Variants in EPHB1 observed in about 807,000 individuals in gnomAD.
EPHB1 encodes EPH receptor B1, also known as ephrin type-B receptor 1.
Under a neutral mutation model 94.4 loss-of-function variants are expected in EPHB1, and 30 were observed. The ratio of observed to expected loss-of-function variants is 0.32; its 90% confidence interval spans 0.24 to 0.43. The LOEUF (loss-of-function observed/expected upper bound fraction) is 0.43. EPHB1 is among the 20% of genes least tolerant of loss of function. EPHB1 has a pLI of 1.00. For synonymous variants in EPHB1, 522 were observed against 489.1 expected, an observed-to-expected ratio of 1.07 and a Z score of -0.89; for missense variants, 1,055 against 1,308.3, an observed-to-expected ratio of 0.81 and a Z score of 2.99.
intron 6 of EPHB1, among the ~76,000 whole-genome samples, chr3:135,159,013 GTTTA>G (rs1941436916): frequency 6.6e-6 from 1 of 152,264 alleles, no homozygotes; most frequent in African/African-American, 2.4e-5. Flanking sequence ...GAAGTTTACT[GTTTA>G]TTTATTCATT....
chr3:134,852,063 C>T (rs1560263113), intron 1 of EPHB1, among the ~76,000 whole-genome samples: 1 of 152,162 alleles, frequency 6.6e-6, no homozygotes, highest in African/African-American at 2.4e-5. Flanking sequence ...GCCCCATGTC[C>T]CTCCTGGCAG....
intron 12 of EPHB1, among the ~76,000 whole-genome samples, chr3:135,209,973 C>G (rs1406829116): frequency 6.6e-6 from 1 of 152,074 alleles, no homozygotes. Context: ...GTGAAAGTGA[C>G]AGATGGCGGA....
intron 12 of EPHB1, among the ~76,000 whole-genome samples, chr3:135,234,546 A>G (rs1311596594): frequency 6.6e-6 from 1 of 152,120 alleles, no homozygotes; most frequent in South Asian, 2.1e-4. Flanking sequence ...ACCTCATTCT[A>G]CTGGTACCAA....
At chr3:134,855,072 T>C (rs2108301315) in intron 1 of EPHB1, among the ~76,000 whole-genome samples, 1 of 152,294 alleles carries the variant, frequency 6.6e-6, no homozygotes, top group African/African-American at 2.4e-5. Flanking sequence ...GTCAGAAATT[T>C]GACCTTATTA....
intron 2 of EPHB1, among the ~76,000 whole-genome samples, chr3:134,937,932 T>TC (rs386397978): frequency 1.3e-5 from 2 of 149,136 alleles, no homozygotes; most frequent in African/African-American, 2.5e-5. Context: ...TTTTTTTTTT[T>TC]CCTCCTTTCT....
intron 12 of EPHB1, among the ~76,000 whole-genome samples, chr3:135,238,390 C>T (rs1419244333): frequency 6.6e-6 from 1 of 152,292 alleles, no homozygotes; most frequent in South Asian, 2.1e-4. Context: ...TTCAGTGAGG[C>T]CCAACAGTGC....
intron 12 of EPHB1, among the ~76,000 whole-genome samples, chr3:135,207,619 G>A (rs1199546129): frequency 6.6e-6 from 1 of 152,190 alleles, no homozygotes; most frequent in Non-Finnish European, 1.5e-5. Flanking sequence ...TTGCCTAACT[G>A]TGTCTAGGAG....
chr3:135,109,022 C>G (rs1939336808), intron 4 of EPHB1, among the ~76,000 whole-genome samples: 1 of 152,158 alleles, frequency 6.6e-6, no homozygotes, highest in Admixed American at 6.5e-5. Context: ...GAAGGTGCAG[C>G]CCCACCAGCA....
intron 3 of EPHB1, among the ~76,000 whole-genome samples, chr3:135,048,244 C>CTTTTTT (rs1937061931): frequency 2.5e-5 from 2 of 81,112 alleles, no homozygotes; most frequent in African/African-American, 5.0e-5. Flanking sequence ...TTTTCTTTTT[C>CTTTTTT]TTTCTTTCTT....
intron 3 of EPHB1, among the ~76,000 whole-genome samples, chr3:135,024,917 C>G (rs1936097432): frequency 6.6e-6 from 1 of 151,742 alleles, no homozygotes; most frequent in Non-Finnish European, 1.5e-5. Context: ...TTCTTCTTCT[C>G]TTATTTTGCT....
intron 12 of EPHB1, among the ~76,000 whole-genome samples, chr3:135,238,998 A>T (rs1481856296): frequency 2.6e-5 from 4 of 152,200 alleles, no homozygotes; most frequent in Non-Finnish European, 5.9e-5. Context: ...CGTGGGGAAC[A>T]TGTTGATAAA....
chr3:135,204,350 C>T (rs1412244103), intron 12 of EPHB1, among the ~76,000 whole-genome samples: 1 of 151,540 alleles, frequency 6.6e-6, no homozygotes, highest in Non-Finnish European at 1.5e-5. Flanking sequence ...ATTACAGGCA[C>T]CCACCACCAT....
At chr3:135,108,035 G>A (rs532540260) in intron 4 of EPHB1, among the ~76,000 whole-genome samples, 7 of 152,270 alleles carry the variant, frequency 4.6e-5, no homozygotes, top group Admixed American at 3.9e-4. Context: ...CTCCCTGGAT[G>A]TTCAGACCAA....
chr3:134,969,981 G>C lies in EPHB1; in HGVS notation c.805+17929G>C, dbSNP rs543688297. The stretch of plus-strand genomic sequence containing the variant: ...AAAAATCAAAACTTGAAAGTTTTGA[G>C]AGTTCCTTATATATTTTGGATATAA... On this transcript the variant is annotated intron_variant, in intron 3 of 15. Transcript: ENST00000398015. Among the ~76,000 whole-genome samples, 5 of 152,336 alleles carry C rather than the reference G, an allele frequency of 3.3e-5. No individual in the cohort carries two copies. In the South Asian group the frequency reaches 1.0e-3, roughly 32 times the overall value.
chr3:135,239,691 G>A (rs943364690), intron 12 of EPHB1, among the ~76,000 whole-genome samples: 1 of 152,190 alleles, frequency 6.6e-6, no homozygotes, highest in Non-Finnish European at 1.5e-5. Context: ...GGACAGCACA[G>A]GCCATGCCAG....
intron 3 of EPHB1, among the ~76,000 whole-genome samples, chr3:135,025,224 A>ATTTATTTATTTATTTAT (rs1559799438): frequency 1.4e-5 from 1 of 70,924 alleles, no homozygotes; most frequent in Non-Finnish European, 3.3e-5. Flanking sequence ...TTTATTTATT[A>ATTTATTTATTTATTTAT]TTATACTTTA....
chr3:134,960,332 A>G (rs1443300032), intron 3 of EPHB1, among the ~76,000 whole-genome samples: 1 of 151,978 alleles, frequency 6.6e-6, no homozygotes, highest in Non-Finnish European at 1.5e-5. Flanking sequence ...GGTCTTTGAC[A>G]GGCATGTTGA....
At chr3:134,966,652 A>T (rs1312068287) in intron 3 of EPHB1, among the ~76,000 whole-genome samples, 2 of 152,256 alleles carry the variant, frequency 1.3e-5, no homozygotes, top group Non-Finnish European at 2.9e-5. Context: ...TTGCCCATGC[A>T]GGAGCAGCTA....
chr3:135,105,356 T>C (rs1939173442), intron 3 of EPHB1, among the ~76,000 whole-genome samples: 1 of 152,194 alleles, frequency 6.6e-6, no homozygotes. Context: ...ATGAGGTGTG[T>C]AAGAAAGCCA....
Sources: gnomAD v4.1 joint callset for allele counts (sites outside exome capture counted in the v4.1 genomes callset) on GRCh38, gnomAD v4.1.1 for gene constraint, MANE v1.5 for transcripts, NCBI Gene and HGNC (gene_info 2026-07-23, HGNC 2026-07-21) for gene names.